Variants in ARHGAP44 observed in about 807,000 individuals in gnomAD.
The protein encoded by ARHGAP44 is rho GTPase-activating protein 44.
In ARHGAP44, 43 loss-of-function variants were observed where a neutral mutation model predicts 106.8. The observed-to-expected ratio is 0.40, with a 90% CI of 0.32 to 0.52. The LOEUF (loss-of-function observed/expected upper bound fraction) is 0.52, where lower values mean the gene tolerates loss of function less well. Ranked by LOEUF, ARHGAP44 falls within the 20% of genes least tolerant of loss-of-function variation. The pLI, the probability that ARHGAP44 is intolerant of heterozygous loss-of-function variation, is 0.48. For missense variants in ARHGAP44, 866 were observed against 1,050.5 expected (o/e 0.82, Z 2.43); for synonymous variants, 439 against 410.3 (o/e 1.07, Z -0.85).
chr17:12,808,290 A>G (rs2034337423), intron 1 of ARHGAP44, among the ~76,000 whole-genome samples: 2 of 152,176 alleles, frequency 1.3e-5, no homozygotes, highest in Admixed American at 6.5e-5. Context: ...CCCTCTTCTC[A>G]CAGATCCACT....
At chr17:12,892,529 CCTAT>C (rs2150915051) in intron 1 of ARHGAP44, among the ~76,000 whole-genome samples, 1 of 151,988 alleles carries the variant, frequency 6.6e-6, no homozygotes, top group East Asian at 1.9e-4. Flanking sequence ...TATTTTTTAG[CCTAT>C]CTTTTTTTAA....
At chr17:12,905,740 A>G (rs1008072046) in intron 3 of ARHGAP44, among the ~76,000 whole-genome samples, 1 of 152,188 alleles carries the variant, frequency 6.6e-6, no homozygotes, top group Non-Finnish European at 1.5e-5. Flanking sequence ...TCTTTGTCCA[A>G]TTTCAGAAAG....
chr17:12,874,510 C>T (rs962666823), intron 1 of ARHGAP44, among the ~76,000 whole-genome samples: 18 of 152,060 alleles, frequency 1.2e-4, no homozygotes, highest in African/African-American at 3.6e-4. Flanking sequence ...GCAGGTGGAT[C>T]GCCTGAGGTC....
chr17:12,983,744 TG>T (rs1184439480), intron 19 of ARHGAP44, among the ~76,000 whole-genome samples: 1 of 151,140 alleles, frequency 6.6e-6, no homozygotes, highest in Non-Finnish European at 1.5e-5. Context: ...GCGGAGGTTG[TG>T]GTGAGCGGCG....
chr17:12,869,626 A>C (rs2036346609), intron 1 of ARHGAP44, among the ~76,000 whole-genome samples: 1 of 151,702 alleles, frequency 6.6e-6, no homozygotes, highest in South Asian at 2.1e-4. Flanking sequence ...GTAACTCCCC[A>C]CTCCCCTTCT....
At chr17:12,891,443 A>T (rs1439378091) in intron 1 of ARHGAP44, among the ~76,000 whole-genome samples, 2 of 152,240 alleles carry the variant, frequency 1.3e-5, no homozygotes, top group Non-Finnish European at 2.9e-5. Context: ...AAGTCATCAC[A>T]TGGGCAGGAG....
chr17:12,984,507 G>T, intron 19 of ARHGAP44, 24 bp from the exon 20 acceptor site: 7 of 1,505,820 alleles, frequency 4.6e-6, no homozygotes, highest in Non-Finnish European at 6.2e-6. Flanking sequence ...GTGTTTTGTT[G>T]TTGTGTTGTG....
chr17:12,929,791 AT>A (rs1025283105), intron 7 of ARHGAP44, among the ~76,000 whole-genome samples: 2 of 152,300 alleles, frequency 1.3e-5, no homozygotes, highest in African/African-American at 4.8e-5. Context: ...AAAACATCAC[AT>A]TTCTGTAACT....
At chr17:12,952,680 A>G in intron 13 of ARHGAP44, 99 bp downstream of exon 13, 2 of 725,602 alleles carry the variant, frequency 2.8e-6, no homozygotes, top group Admixed American at 2.7e-5. Context: ...TACCATGCAT[A>G]GCATTTTATG....
intron 3 of ARHGAP44, among the ~76,000 whole-genome samples, chr17:12,899,119 C>T (rs1038077521): frequency 5.9e-5 from 9 of 152,020 alleles, no homozygotes; most frequent in South Asian, 2.1e-4. Flanking sequence ...TACAGGTGTG[C>T]GCCACCATGC....
chr17:12,915,331 G>A (rs376907669), intron 4 of ARHGAP44, among the ~76,000 whole-genome samples: 33 of 152,330 alleles, frequency 2.2e-4, no homozygotes, highest in African/African-American at 7.9e-4. Flanking sequence ...TACAATTTGG[G>A]TAGAATTTAA....
chr17:12,952,424 A>G lies in ARHGAP44; in HGVS notation c.1056-77A>G, dbSNP rs1436759710. 9.5e-5 allele frequency: 112 copies of G among 1,183,002 alleles called. No homozygotes were observed. The South Asian group carries it at 1.4e-3, about 15-fold the overall frequency. 73.3% of individuals were successfully genotyped at this position (1,183,002 alleles called of 1,614,324 possible). A position where few individuals can be genotyped will look rare whatever the true frequency, so the allele number is the denominator to read the frequency against. ...ACAGTGGTTGGTATCAAATATTACA[A>G]TGATTGGTTAATATGATTTCCGATG... On this transcript the variant is annotated intron_variant, in intron 12 of 20. Transcript: ENST00000379672.
At chr17:12,883,616 G>A (rs185137388) in intron 1 of ARHGAP44, among the ~76,000 whole-genome samples, 24 of 151,820 alleles carry the variant, frequency 1.6e-4, no homozygotes, top group African/African-American at 5.1e-4. Flanking sequence ...ACCTGTTATC[G>A]ATTTAGAAGT....
intron 4 of ARHGAP44, among the ~76,000 whole-genome samples, chr17:12,913,757 C>CACGCCTGTAAT (rs1197321082): frequency 8.7e-4 from 131 of 150,074 alleles, no homozygotes; most frequent in Non-Finnish European, 1.5e-3. Context: ...TACCTGAGGT[C>CACGCCTGTAAT]CAGAGTTCAA....
chr17:12,811,766 G>A (rs1447463036), intron 1 of ARHGAP44, among the ~76,000 whole-genome samples: 2 of 152,142 alleles, frequency 1.3e-5, no homozygotes, highest in Non-Finnish European at 2.9e-5. Context: ...TCCGGTGTCA[G>A]CAGCAATCCT....
intron 1 of ARHGAP44, among the ~76,000 whole-genome samples, chr17:12,815,126 T>C (rs1484710117): frequency 6.9e-6 from 1 of 144,470 alleles, no homozygotes; most frequent in Non-Finnish European, 1.5e-5. Context: ...GGTTGTTCTT[T>C]TGATTTTTTT....
intron 1 of ARHGAP44, among the ~76,000 whole-genome samples, chr17:12,864,928 C>CT: frequency 6.6e-6 from 1 of 151,984 alleles, no homozygotes; most frequent in African/African-American, 2.4e-5. Context: ...AATAAAGACA[C>CT]TTAGAGACAT....
In ARHGAP44 at chr17:12,980,288, C is replaced by T. The variant is rs914961106; in HGVS notation, c.1939+55C>T. 80 of 1,528,200 alleles carry T rather than the reference C, an allele frequency of 5.2e-5. 1 individual carries two copies. Among genetic ancestry groups the T allele is most frequent in the South Asian group, 2.6e-4 (21 of 80,652 alleles). The allele number at this position is 1,528,200 out of a possible 1,614,324, so 94.7% of individuals were successfully genotyped here. On this transcript the variant is annotated intron_variant, in intron 19 of 20. Transcript: ENST00000379672. ...TCAGGCCGGAGGTGGCTGTGACATT[C>T]CCTGAAGGCTCGTTTTCCTCTATGA...
At chr17:12,926,429 TAA>T (rs1005982406) in intron 6 of ARHGAP44, among the ~76,000 whole-genome samples, 2 of 142,162 alleles carry the variant, frequency 1.4e-5, no homozygotes, top group Non-Finnish European at 3.0e-5. Flanking sequence ...TATGTATATA[TAA>T]TATATATGTA....
Sources: gnomAD v4.1 joint callset for allele counts (sites outside exome capture counted in the v4.1 genomes callset) on GRCh38, gnomAD v4.1.1 for gene constraint, MANE v1.5 for transcripts, NCBI Gene and HGNC (gene_info 2026-07-23, HGNC 2026-07-21) for gene names.